ELOVL7: variants seen among roughly 807,000 people sequenced by gnomAD.
ELOVL7 encodes the protein very long chain fatty acid elongase 7.
ELOVL7 carries 27 observed loss-of-function variants against 35.7 expected under a neutral mutation model. The ratio of observed to expected loss-of-function variants is 0.76; its 90% confidence interval spans 0.56 to 1.04. ELOVL7 has a LOEUF of 1.04. Among genes scored for constraint, ELOVL7 ranks in the 50% least tolerant of loss-of-function variants. The probability of loss-of-function intolerance (pLI) is 0.00; values close to 1 mark genes in which losing one functional copy is unlikely to be tolerated. For missense variants in ELOVL7, 327 were observed against 340.8 expected (o/e 0.96, Z 0.32); for synonymous variants, 113 against 114.6 (o/e 0.99, Z 0.09).
At chr5:60,784,778 T>C (rs1743469253) in intron 3 of ELOVL7, among the ~76,000 whole-genome samples, 1 of 152,246 alleles carries the variant, frequency 6.6e-6, no homozygotes, top group South Asian at 2.1e-4. Context: ...TTTCCTGTTA[T>C]GCCTGACAGC....
chr5:60,818,325 A>C, intron 1 of ELOVL7, among the ~76,000 whole-genome samples: 1 of 150,600 alleles, frequency 6.6e-6, no homozygotes, highest in Admixed American at 6.6e-5. Context: ...CTCAGAAAAA[A>C]AAAAAAAAAA....
At position 60,802,506 on chromosome 5, in the gene ELOVL7, G is replaced by T. The variant is rs138914249; in HGVS notation, c.-85-3276C>A. ...AAGGCATCTGGGTCAAGAAGGGCAG[G>T]AATAGGAGGTGCAATCAATGCTGGA... On this transcript the variant is annotated intron_variant, in intron 1 of 8. Coordinates refer to ENST00000508821, the MANE Select transcript of ELOVL7 (RefSeq NM_024930.3). The T allele has an allele frequency of 8.5e-5, 13 of 152,278 alleles. No homozygotes were observed. In the East Asian group the frequency reaches 2.5e-3, roughly 29 times the overall value. The allele number at this position is 152,278 out of a possible 1,614,324, so 9.4% of individuals were successfully genotyped here.
chr5:60,763,920 T>C (rs1742074207), intron 7 of ELOVL7, among the ~76,000 whole-genome samples: 1 of 152,120 alleles, frequency 6.6e-6, no homozygotes, highest in South Asian at 2.1e-4. Context: ...TTTGATTTAT[T>C]TATTATTTAT....
chr5:60,798,377 C>T (rs1744391924), intron 2 of ELOVL7, among the ~76,000 whole-genome samples: 2 of 152,054 alleles, frequency 1.3e-5, no homozygotes, highest in South Asian at 4.2e-4. Flanking sequence ...CAAAGGATGG[C>T]AATGTAGACA....
intron 1 of ELOVL7, among the ~76,000 whole-genome samples, chr5:60,817,822 GTATATATA>G (rs1745618560): frequency 1.4e-5 from 2 of 146,534 alleles, no homozygotes; most frequent in African/African-American, 5.0e-5. Flanking sequence ...ATGTGTGTGT[GTATATATA>G]TGTGTGTGTG....
At chr5:60,821,207 CT>C (rs1432677446) in intron 1 of ELOVL7, among the ~76,000 whole-genome samples, 1 of 152,164 alleles carries the variant, frequency 6.6e-6, no homozygotes, top group African/African-American at 2.4e-5. Flanking sequence ...CAAAGTCTGC[CT>C]ACAGTTACTA....
intron 1 of ELOVL7, among the ~76,000 whole-genome samples, chr5:60,806,194 A>AACC (rs1404660693): frequency 6.6e-6 from 1 of 152,198 alleles, no homozygotes; most frequent in African/African-American, 2.4e-5. Context: ...CCTCAGAGAG[A>AACC]ACCAACCCTA....
Position 60,771,912 on chromosome 5 carries a change from C to T in ELOVL7, c.246G>A (p.Met82Ile). ...TACTGAAGACACTTGCCTCATAACA[C>T]ATATACACAGAAAAGAGTACTATGA... ...NFFIVLFSVY[M>I]CYEFVMSGWG... Residue 82 changes from methionine (M) to isoleucine (I), a missense_variant, in exon 4 of 9, where the codon ATG becomes ATA. Coordinates refer to ENST00000508821, the MANE Select transcript of ELOVL7 (RefSeq NM_024930.3). 6.2e-7 allele frequency: 1 copy of T among 1,608,588 alleles called. No homozygotes were observed. The highest frequency in any genetic ancestry group is 8.5e-7 in the Non-Finnish European group (1 of 1,177,090).
chr5:60,839,347 A>T (rs1561479807), intron 1 of ELOVL7, among the ~76,000 whole-genome samples: 1 of 152,200 alleles, frequency 6.6e-6, no homozygotes, highest in Non-Finnish European at 1.5e-5. Context: ...CTCAGAAAAA[A>T]AAAGAAAGGA....
chr5:60,790,685 G>C (rs1743884884), intron 2 of ELOVL7, among the ~76,000 whole-genome samples: 1 of 151,880 alleles, frequency 6.6e-6, no homozygotes, highest in Admixed American at 6.6e-5. Flanking sequence ...TGTAATGTGG[G>C]GTTGTGAGCA....
chr5:60,787,193 T>C (rs745460585), intron 3 of ELOVL7, 141 bp downstream of exon 3: 1 of 634,012 alleles, frequency 1.6e-6, no homozygotes, highest in South Asian at 1.9e-5. Flanking sequence ...ATGAAACCTG[T>C]GCACTTCCTC....
chr5:60,774,134 T>C (rs1394864551), intron 3 of ELOVL7, among the ~76,000 whole-genome samples: 1 of 152,192 alleles, frequency 6.6e-6, no homozygotes, highest in Middle Eastern at 3.2e-3. Flanking sequence ...ACTCATTCTA[T>C]GAAACCAGTA....
At chr5:60,800,646 G>A (rs891912721) in intron 1 of ELOVL7, among the ~76,000 whole-genome samples, 5 of 152,186 alleles carry the variant, frequency 3.3e-5, no homozygotes, top group Admixed American at 6.5e-5. Context: ...GGAAGTTCAC[G>A]ATCAAGGTGC....
chr5:60,801,675 C>A (rs1020145996), intron 1 of ELOVL7, among the ~76,000 whole-genome samples: 9 of 151,774 alleles, frequency 5.9e-5, no homozygotes, highest in Non-Finnish European at 1.2e-4. Context: ...TGCACTCCAG[C>A]CTGGGTGACA....
chr5:60,822,459 ACCGAG>A (rs1745943079), intron 1 of ELOVL7, among the ~76,000 whole-genome samples: 1 of 152,186 alleles, frequency 6.6e-6, no homozygotes, highest in South Asian at 2.1e-4. Flanking sequence ...GAGCAAGAAG[ACCGAG>A]TGGGGTTTAA....
chr5:60,771,502 C>A (rs1006312793), intron 4 of ELOVL7, among the ~76,000 whole-genome samples: 8 of 152,152 alleles, frequency 5.3e-5, no homozygotes, highest in African/African-American at 1.9e-4. Context: ...AGGTGCCTAC[C>A]ATGATGATGA....
chr5:60,756,731 G>A (rs962138657), intron 8 of ELOVL7, among the ~76,000 whole-genome samples: 10 of 151,940 alleles, frequency 6.6e-5, no homozygotes, highest in South Asian at 4.2e-4. Context: ...TCTTCACCAC[G>A]CCATCTAAAC....
At chr5:60,829,741 C>T (rs1444114718) in intron 1 of ELOVL7, among the ~76,000 whole-genome samples, 1 of 150,872 alleles carries the variant, frequency 6.6e-6, no homozygotes, top group Non-Finnish European at 1.5e-5. Flanking sequence ...TCATAATGGG[C>T]TCTCTAAGGG....
intron 1 of ELOVL7, among the ~76,000 whole-genome samples, chr5:60,839,100 G>A (rs1747007179): frequency 1.3e-5 from 2 of 151,972 alleles, no homozygotes; most frequent in Admixed American, 1.3e-4. Context: ...CACTTTGGGA[G>A]GCTGAGGTGA....
Sources: allele counts gnomAD v4.1 joint callset (sites outside exome capture counted in the v4.1 genomes callset), GRCh38; gene constraint gnomAD v4.1.1; transcripts MANE v1.5; gene names NCBI Gene and HGNC (gene_info 2026-07-23, HGNC 2026-07-21).